SCN10A: variants seen among roughly 807,000 people sequenced by gnomAD.
SCN10A encodes the protein sodium channel protein type 10 subunit alpha.
In SCN10A, 162 loss-of-function variants were observed where a neutral mutation model predicts 170.7. That is an observed-to-expected ratio of 0.95 (90% confidence interval 0.84 to 1.08). SCN10A has a LOEUF of 1.08. SCN10A is among the 50% of genes least tolerant of loss of function. The pLI is 0.00. For synonymous variants in SCN10A, 985 were observed against 904.6 expected, an observed-to-expected ratio of 1.09 and a Z score of -1.59; for missense variants, 2,527 against 2,436.9, an observed-to-expected ratio of 1.04 and a Z score of -0.78.
At chr3:38,723,387 C>T (rs2063415351) in intron 19 of SCN10A, 43 bp downstream of exon 19, 1 of 1,612,620 alleles carries the variant, frequency 6.2e-7, no homozygotes, top group Non-Finnish European at 8.5e-7. Context: ...GATTCTGGCC[C>T]TAATTAACAT....
At chr3:38,812,776 G>A (rs2064449150) in intron 1 of SCN10A, among the ~76,000 whole-genome samples, 1 of 152,140 alleles carries the variant, frequency 6.6e-6, no homozygotes. Flanking sequence ...GCTCACACCT[G>A]TAATCCCATC....
At position 38,771,395 on chromosome 3, in the gene SCN10A, A is replaced by G; in HGVS notation, c.483T>C (p.Thr161=). 1 of 1,614,078 alleles carries G rather than the reference A, an allele frequency of 6.2e-7. No individual in the cohort carries two copies. Among genetic ancestry groups the G allele is most frequent in the Non-Finnish European group, 8.5e-7 (1 of 1,179,936 alleles). The change falls in exon 5 of 28, where the codon ACT becomes ACC. Residue 161 remains threonine (T), a synonymous_variant. Transcript: ENST00000449082. ...DLPEKIEYVF[T]VIYTFEALIK... Reference sequence around the variant, plus strand: ...TCAAGGCTTCAAAGGTGTAAATGACAGTGAAGACATATCTGGGAAGGAGGG... The same window carrying G: ...TCAAGGCTTCAAAGGTGTAAATGACGGTGAAGACATATCTGGGAAGGAGGG...
At chr3:38,750,664 A>G (rs2063737769) in intron 12 of SCN10A, among the ~76,000 whole-genome samples, 1 of 152,208 alleles carries the variant, frequency 6.6e-6, no homozygotes, top group Admixed American at 6.5e-5. Context: ...GGCTTGGATA[A>G]TTTAAAGGAC....
At chr3:38,727,154 G>A (rs2063467162) in intron 16 of SCN10A, 102 bp from the exon 17 acceptor site, 2 of 1,007,826 alleles carry the variant, frequency 2.0e-6, no homozygotes, top group Non-Finnish European at 1.5e-6. Flanking sequence ...CACGGCCTGG[G>A]CCTCTTCCTG....
intron 11 of SCN10A, among the ~76,000 whole-genome samples, chr3:38,754,375 A>T (rs1478484729): frequency 6.6e-6 from 1 of 152,244 alleles, no homozygotes; most frequent in Non-Finnish European, 1.5e-5. Context: ...TCCTTAGGGA[A>T]AAGAACATGT....
At chr3:38,773,191 G>C (rs779222384) in intron 4 of SCN10A, among the ~76,000 whole-genome samples, 2 of 152,142 alleles carry the variant, frequency 1.3e-5, no homozygotes, top group Admixed American at 1.3e-4. Flanking sequence ...TAGAAGCTGG[G>C]CATGGTGGTA....
intron 1 of SCN10A, among the ~76,000 whole-genome samples, chr3:38,803,256 T>C (rs921705265): frequency 1.3e-5 from 2 of 152,136 alleles, no homozygotes; most frequent in African/African-American, 4.8e-5. Context: ...TCCTCAAGGA[T>C]CTAAAACTAG....
At chr3:38,718,987 T>C (rs1277362064) in intron 20 of SCN10A, among the ~76,000 whole-genome samples, 161 bp from the exon 21 acceptor site, 3 of 152,050 alleles carry the variant, frequency 2.0e-5, no homozygotes, top group Admixed American at 6.6e-5. Context: ...GGAGGTAAAG[T>C]GGGATAGTGG....
At chr3:38,701,748 AGTTG>A (rs1459845905) in intron 27 of SCN10A, 87 bp downstream of exon 27, 2 of 1,267,914 alleles carry the variant, frequency 1.6e-6, no homozygotes, top group African/African-American at 3.0e-5. Context: ...TATTTCAAAA[AGTTG>A]GTTGGTTATT....
At chr3:38,806,316 C>T (rs2064404239) in intron 1 of SCN10A, among the ~76,000 whole-genome samples, 1 of 152,126 alleles carries the variant, frequency 6.6e-6, no homozygotes, top group Non-Finnish European at 1.5e-5. Flanking sequence ...TCATCTCTTC[C>T]AACCCATTGA....
intron 26 of SCN10A, among the ~76,000 whole-genome samples, chr3:38,705,888 G>T (rs1178983015): frequency 6.6e-6 from 1 of 152,162 alleles, no homozygotes; most frequent in East Asian, 1.9e-4. Context: ...CATTACCCAT[G>T]ACTTGAATGT....
intron 1 of SCN10A, among the ~76,000 whole-genome samples, chr3:38,795,878 T>C (rs2064338588): frequency 1.3e-5 from 2 of 152,184 alleles, no homozygotes; most frequent in Non-Finnish European, 2.9e-5. Context: ...TTATCTCTAA[T>C]ATATAAATAA....
chr3:38,715,950 T>C (rs894078826), intron 21 of SCN10A, among the ~76,000 whole-genome samples: 1 of 152,044 alleles, frequency 6.6e-6, no homozygotes, highest in African/African-American at 2.4e-5. Flanking sequence ...TTGGGATGGC[T>C]AGAAGGAAAG....
At chr3:38,705,311 G>C (rs192741793) in intron 26 of SCN10A, among the ~76,000 whole-genome samples, 1 of 152,234 alleles carries the variant, frequency 6.6e-6, no homozygotes, top group African/African-American at 2.4e-5. Flanking sequence ...AAAAGGTTGA[G>C]AGTGAATTAC....
chr3:38,711,428 GC>G (rs1270592023), intron 23 of SCN10A, among the ~76,000 whole-genome samples: 1 of 152,152 alleles, frequency 6.6e-6, no homozygotes, highest in Admixed American at 6.5e-5. Flanking sequence ...ACACTCCTAG[GC>G]CTGTTACAGC....
intron 4 of SCN10A, among the ~76,000 whole-genome samples, chr3:38,788,672 C>T (rs2064240139): frequency 6.6e-6 from 1 of 152,070 alleles, no homozygotes; most frequent in Non-Finnish European, 1.5e-5. Flanking sequence ...CTTAGACTTT[C>T]TGGGGCTGGG....
intron 24 of SCN10A, among the ~76,000 whole-genome samples, chr3:38,709,867 A>G (rs545168308): frequency 6.6e-6 from 1 of 152,348 alleles, no homozygotes; most frequent in South Asian, 2.1e-4. Context: ...GTAACTGTGT[A>G]GAGCACATGC....
At chr3:38,761,895 T>C (rs975865351) in intron 6 of SCN10A, among the ~76,000 whole-genome samples, 1 of 126,412 alleles carries the variant, frequency 7.9e-6, no homozygotes, top group African/African-American at 3.0e-5. Flanking sequence ...GCAAGAGAGA[T>C]AGAGTGAAAC....
At chr3:38,740,135 A>G (rs768495538) in intron 14 of SCN10A, among the ~76,000 whole-genome samples, 1 of 152,198 alleles carries the variant, frequency 6.6e-6, no homozygotes, top group Non-Finnish European at 1.5e-5. Context: ...CATCTGTATA[A>G]TGGGCATAAA....
Sources: allele counts gnomAD v4.1 joint callset (sites outside exome capture counted in the v4.1 genomes callset), GRCh38; gene constraint gnomAD v4.1.1; transcripts MANE v1.5; gene names NCBI Gene and HGNC (gene_info 2026-07-23, HGNC 2026-07-21).